The following KCNIP4 variants were observed in gnomAD, a reference collection of about 807,000 sequenced individuals.
KCNIP4 encodes the protein Kv channel-interacting protein 4.
Under a neutral mutation model 34.0 loss-of-function variants are expected in KCNIP4, and 12 were observed. The observed-to-expected ratio is 0.35, with a 90% CI of 0.23 to 0.57. The LOEUF is 0.57. KCNIP4 is among the 20% of genes least tolerant of loss of function. The probability of loss-of-function intolerance (pLI) is 0.83; values close to 1 mark genes in which losing one functional copy is unlikely to be tolerated. For missense variants in KCNIP4, 238 were observed against 311.7 expected, an observed-to-expected ratio of 0.76 and a Z score of 1.78; for synonymous variants, 124 against 102.2, an observed-to-expected ratio of 1.21 and a Z score of -1.29.
intron 1 of KCNIP4, among the ~76,000 whole-genome samples, chr4:21,055,185 A>G (rs1032594434): frequency 6.6e-6 from 1 of 152,166 alleles, no homozygotes; most frequent in Non-Finnish European, 1.5e-5. Context: ...ATCATATGTA[A>G]TTACAGGAGT....
At chr4:20,822,269 A>G (rs929295637) in intron 3 of KCNIP4, among the ~76,000 whole-genome samples, 55 of 152,164 alleles carry the variant, frequency 3.6e-4, no homozygotes, top group Non-Finnish European at 2.6e-4. Context: ...ATGAATAGAC[A>G]ATTCTCAAAA....
chr4:20,941,265 T>A (rs1731610057), intron 1 of KCNIP4, among the ~76,000 whole-genome samples: 1 of 152,202 alleles, frequency 6.6e-6, no homozygotes, highest in Non-Finnish European at 1.5e-5. Flanking sequence ...AAGAATGACA[T>A]GAAATAATTT....
At chr4:21,770,204 G>A (rs772678234) in intron 1 of KCNIP4, among the ~76,000 whole-genome samples, 2 of 152,060 alleles carry the variant, frequency 1.3e-5, no homozygotes, top group Non-Finnish European at 2.9e-5. Flanking sequence ...CCACTTATGA[G>A]TGAGAACGTG....
chr4:21,282,301 T>C, intron 1 of KCNIP4, among the ~76,000 whole-genome samples: 1 of 152,322 alleles, frequency 6.6e-6, no homozygotes, highest in Middle Eastern at 3.4e-3. Flanking sequence ...ACTACCAAAC[T>C]ATAAGTAGAT....
At chr4:20,830,839 A>C (rs1005646617) in intron 3 of KCNIP4, among the ~76,000 whole-genome samples, 11 of 152,182 alleles carry the variant, frequency 7.2e-5, no homozygotes, top group African/African-American at 2.7e-4. Flanking sequence ...TTGAAGATTC[A>C]TGATTTGCTA....
At chr4:21,247,756 A>ATG (rs1329511927) in intron 1 of KCNIP4, among the ~76,000 whole-genome samples, 1 of 129,614 alleles carries the variant, frequency 7.7e-6, no homozygotes. Context: ...ATATATATAT[A>ATG]TATACACCCC....
chr4:21,403,032 C>G (rs983003628), intron 1 of KCNIP4, among the ~76,000 whole-genome samples: 1 of 152,154 alleles, frequency 6.6e-6, no homozygotes, highest in African/African-American at 2.4e-5. Context: ...ACTCTATTGT[C>G]ATGATCACCA....
At position 21,656,597 on chromosome 4, in the gene KCNIP4, C is replaced by A. The variant is rs186779427; in HGVS notation, c.61+291974G>T. On this transcript the variant is annotated intron_variant, in intron 1 of 8. Coordinates refer to ENST00000382152, the MANE Select transcript of KCNIP4 (RefSeq NM_025221.6). ...CAGCCTGTTTGGTGAATCTTCATCT[C>A]ATTGCTTTTCAGGACAGCCACCCAA... 3.9e-5 allele frequency: 6 copies of A among 152,296 alleles called. No individual in the cohort carries two copies. In the East Asian group the frequency reaches 1.2e-3, roughly 29 times the overall value. The allele number at this position is 152,296 out of a possible 1,614,324, so 9.4% of individuals were successfully genotyped here. A position where few individuals can be genotyped will look rare whatever the true frequency, so the allele number is the denominator to read the frequency against.
intron 1 of KCNIP4, among the ~76,000 whole-genome samples, chr4:21,732,257 T>A (rs1715661112): frequency 6.6e-6 from 1 of 152,098 alleles, no homozygotes; most frequent in African/African-American, 2.4e-5. Context: ...ACCTTTTCAG[T>A]GCTACGTGCT....
At chr4:21,225,685 A>G (rs1182021530) in intron 1 of KCNIP4, among the ~76,000 whole-genome samples, 1 of 152,182 alleles carries the variant, frequency 6.6e-6, no homozygotes, top group Non-Finnish European at 1.5e-5. Context: ...TGCATAGCAG[A>G]TGCTCAATCT....
At chr4:21,682,682 C>A (rs937719886) in intron 1 of KCNIP4, among the ~76,000 whole-genome samples, 1 of 152,174 alleles carries the variant, frequency 6.6e-6, no homozygotes, top group African/African-American at 2.4e-5. Context: ...CTTCCTTTCC[C>A]TTGAACACTT....
At chr4:20,868,273 T>C (rs372273214) in intron 2 of KCNIP4, among the ~76,000 whole-genome samples, 1 of 151,976 alleles carries the variant, frequency 6.6e-6, no homozygotes, top group Admixed American at 6.6e-5. Flanking sequence ...ATCAGAGAAA[T>C]GTAAATCTAA....
In KCNIP4 at chr4:21,592,037, G is replaced by A. The variant is rs546302298; in HGVS notation, c.61+356534C>T. On this transcript the variant is annotated intron_variant, in intron 1 of 8. Transcript: ENST00000382152. Reference sequence around the variant, plus strand: ...GACTTACTGAGACCAAAGTGATAGAGGGATAGTCATGGGAAAATATACTGG... The same window carrying A: ...GACTTACTGAGACCAAAGTGATAGAAGGATAGTCATGGGAAAATATACTGG... Among the ~76,000 whole-genome samples, 3 of 152,202 alleles carry A rather than the reference G, an allele frequency of 2.0e-5. No homozygotes were observed. The East Asian group carries it at 5.8e-4, about 30-fold the overall frequency.
intron 1 of KCNIP4, among the ~76,000 whole-genome samples, chr4:21,503,033 C>G (rs1453526814): frequency 6.6e-6 from 1 of 152,124 alleles, no homozygotes; most frequent in Non-Finnish European, 1.5e-5. Context: ...ATCTTAGGAA[C>G]TGAGATTTAT....
At chr4:21,909,134 A>C (rs1728161825) in intron 1 of KCNIP4, among the ~76,000 whole-genome samples, 1 of 152,188 alleles carries the variant, frequency 6.6e-6, no homozygotes, top group Non-Finnish European at 1.5e-5. Flanking sequence ...ATAGTTTATT[A>C]CTGGGAGAGA....
Position 21,431,490 on chromosome 4 carries a change from T to C in KCNIP4, c.61+517081A>G, listed in dbSNP as rs894351869. 2.6e-5 allele frequency among the ~76,000 whole-genome samples: 4 copies of C among 152,122 alleles called. No homozygotes were observed. In the East Asian group the frequency reaches 7.7e-4, roughly 29 times the overall value. On this transcript the variant is annotated intron_variant, in intron 1 of 8. Coordinates refer to ENST00000382152, the MANE Select transcript of KCNIP4 (RefSeq NM_025221.6). ...TGAATATTTATATACTGCATAATGA[T>C]AGCAAAAGACATTCATAAATGGTAG... is the stretch of plus-strand genomic sequence containing the variant.
intron 1 of KCNIP4, among the ~76,000 whole-genome samples, chr4:21,250,727 TA>T (rs1330094593): frequency 3.3e-5 from 5 of 151,766 alleles, no homozygotes; most frequent in Non-Finnish European, 7.4e-5. Flanking sequence ...TTTGCTTTTC[TA>T]AAAAAAACAT....
intron 1 of KCNIP4, among the ~76,000 whole-genome samples, chr4:21,261,638 T>G (rs1761476193): frequency 6.6e-6 from 1 of 152,202 alleles, no homozygotes; most frequent in South Asian, 2.1e-4. Context: ...ATTCTCCCAG[T>G]CACTATACCC....
intron 1 of KCNIP4, among the ~76,000 whole-genome samples, chr4:20,887,861 ACTTT>A (rs1336949144): frequency 6.6e-6 from 1 of 152,002 alleles, no homozygotes; most frequent in East Asian, 1.9e-4. Flanking sequence ...TTCCTTTCCT[ACTTT>A]CTTTGTTTAA....
Sources: gnomAD v4.1 joint callset for allele counts (sites outside exome capture counted in the v4.1 genomes callset) on GRCh38, gnomAD v4.1.1 for gene constraint, MANE v1.5 for transcripts, NCBI Gene and HGNC (gene_info 2026-07-23, HGNC 2026-07-21) for gene names.